The following MBTD1 variants were observed in gnomAD, a reference collection of about 807,000 sequenced individuals.
The protein encoded by MBTD1 is mbt domain containing 1.
Under a neutral mutation model 87.8 loss-of-function variants are expected in MBTD1, and 24 were observed. The ratio of observed to expected loss-of-function variants is 0.27; its 90% CI spans 0.20 to 0.38. The LOEUF (loss-of-function observed/expected upper bound fraction) is 0.38, where lower values mean the gene tolerates loss of function less well. Ranked by LOEUF, MBTD1 falls within the 10% of genes least tolerant of loss-of-function variation. MBTD1 has a pLI of 1.00. For missense variants in MBTD1, 436 were observed against 760.2 expected (o/e 0.57, Z 5.02); for synonymous variants, 237 against 248.6 (o/e 0.95, Z 0.44).
At chr17:51,232,071 C>T (rs1162214563) in intron 2 of MBTD1, among the ~76,000 whole-genome samples, 2 of 151,730 alleles carry the variant, frequency 1.3e-5, no homozygotes, top group Non-Finnish European at 2.9e-5. Context: ...CTCAAAAGAC[C>T]TATGAGGGAG....
chr17:51,227,860 G>A (rs548257385), intron 2 of MBTD1, among the ~76,000 whole-genome samples: 35 of 151,406 alleles, frequency 2.3e-4, no homozygotes, highest in African/African-American at 8.0e-4. Context: ...GCTGAGGCAC[G>A]AGAATCGCTT....
At chr17:51,190,750 A>AATATATATATATATATATAT (rs1555677186) in intron 16 of MBTD1, among the ~76,000 whole-genome samples, 32 of 39,654 alleles carry the variant, frequency 8.1e-4, no homozygotes, top group Non-Finnish European at 9.4e-4. Flanking sequence ...AAAAAAAAAA[A>AATATATATATATATATATAT]ATATATATAT....
At chr17:51,260,629 C>A (rs759319588), upstream of MBTD1, 1 of 1,612,646 alleles carries the variant, frequency 6.2e-7, no homozygotes, top group East Asian at 2.2e-5. Flanking sequence ...ACCGGAGAAC[C>A]GGAGCGAAGC....
At chr17:51,255,817 TG>T (rs1359649461) in intron 2 of MBTD1, among the ~76,000 whole-genome samples, 1 of 152,116 alleles carries the variant, frequency 6.6e-6, no homozygotes, top group Non-Finnish European at 1.5e-5. Context: ...AGGCTGATCT[TG>T]AACTCCTGGG....
chr17:51,208,785 G>T lies in MBTD1; in HGVS notation c.487-1780C>A, dbSNP rs544659770. ...TCCTTTTTGAGCTAAATGTGTCATA[G>T]ACTTTTATTTTTTTAAAGCCTTAAC... On this transcript the variant is annotated intron_variant, in intron 6 of 16. Transcript: ENST00000586178. Among the ~76,000 whole-genome samples the T allele has an allele frequency of 6.6e-5, 10 of 152,304 alleles. No homozygotes were observed. In the South Asian group the frequency reaches 2.1e-3, roughly 32 times the overall value.
intron 2 of MBTD1, among the ~76,000 whole-genome samples, chr17:51,252,053 C>T (rs1598440570): frequency 6.6e-6 from 1 of 152,360 alleles, no homozygotes; most frequent in East Asian, 1.9e-4. Context: ...GCATGAGCCA[C>T]TGCACCCAAC....
At chr17:51,187,702 T>C (rs991487427) in intron 16 of MBTD1, among the ~76,000 whole-genome samples, 4 of 151,736 alleles carry the variant, frequency 2.6e-5, no homozygotes, top group African/African-American at 9.7e-5. Flanking sequence ...ATACAAAAAT[T>C]AGCCGTAAGT....
intron 7 of MBTD1, among the ~76,000 whole-genome samples, chr17:51,204,431 A>G (rs1460227268): frequency 6.7e-6 from 1 of 148,894 alleles, no homozygotes; most frequent in Non-Finnish European, 1.5e-5. Context: ...TATAACATAC[A>G]TATTTATGTA....
chr17:51,200,773 AG>A (rs1175477147), intron 12 of MBTD1, among the ~76,000 whole-genome samples: 3 of 144,540 alleles, frequency 2.1e-5, no homozygotes, highest in African/African-American at 7.4e-5. Flanking sequence ...CCGAGGCAGG[AG>A]GATCACCTGA....
At chr17:51,182,125 A>AT (rs35397252) in intron 16 of MBTD1, among the ~76,000 whole-genome samples, 8,768 of 134,642 alleles carry the variant, frequency 0.065, 344 homozygotes, top group South Asian at 0.12. Context: ...GGCCCTGTGC[A>AT]TTTTTTTTTT....
chr17:51,179,485 TA>T lies in MBTD1; in HGVS notation c.*1090del, dbSNP rs1201511413. ...TCCTGAATACAATTAAAGACAATTT[TA>T]TATATATATATATATATATATATAT... is the stretch of plus-strand genomic sequence containing the variant. On this transcript the variant is annotated 3_prime_UTR_variant, in exon 17 of 17. Transcript: ENST00000586178. 82 of 12,694 alleles carry T rather than the reference TA, an allele frequency of 6.5e-3. 1 individual carries two copies. Among genetic ancestry groups the T allele is most frequent in the East Asian group, 0.013 (5 of 386 alleles). 0.8% of individuals were successfully genotyped at this position (12,694 alleles called of 1,614,324 possible). A position where few individuals can be genotyped will look rare whatever the true frequency, so the allele number is the denominator to read the frequency against.
chr17:51,242,833 C>G (rs2054231763), intron 2 of MBTD1, among the ~76,000 whole-genome samples: 1 of 152,108 alleles, frequency 6.6e-6, no homozygotes, highest in Admixed American at 6.5e-5. Flanking sequence ...ATTTCCTTCA[C>G]AAAAGTCACA....
chr17:51,207,122 T>C, intron 6 of MBTD1, 117 bp from the exon 7 acceptor site: 2 of 543,434 alleles, frequency 3.7e-6, no homozygotes, highest in Non-Finnish European at 6.4e-6. Context: ...GTCATTTTAA[T>C]TCCGTTTGTT....
At chr17:51,200,864 TAA>T (rs555894570) in intron 12 of MBTD1, among the ~76,000 whole-genome samples, 3,504 of 138,212 alleles carry the variant, frequency 0.025, 57 homozygotes, top group Non-Finnish European at 0.034. Flanking sequence ...ACCATGTCTT[TAA>T]AAAAAAAAAA....
intron 12 of MBTD1, among the ~76,000 whole-genome samples, chr17:51,198,452 A>G (rs1219945436): frequency 6.6e-6 from 1 of 152,168 alleles, no homozygotes; most frequent in African/African-American, 2.4e-5. Flanking sequence ...CATGTACACT[A>G]AATTTACTAC....
At chr17:51,236,794 C>T (rs898952315) in intron 2 of MBTD1, among the ~76,000 whole-genome samples, 3 of 152,000 alleles carry the variant, frequency 2.0e-5, no homozygotes, top group African/African-American at 2.4e-5. Flanking sequence ...AGTCTTTGAA[C>T]GAATGGTGCT....
intron 2 of MBTD1, chr17:51,251,138 T>C (rs995565269): frequency 6.6e-6 from 1 of 152,194 alleles, no homozygotes; most frequent in African/African-American, 2.4e-5. Flanking sequence ...CTTTTTTTGA[T>C]GGGGGTAGAT....
chr17:51,201,702 G>A lies in MBTD1; in HGVS notation c.1120-6C>T. 6.7e-7 allele frequency: 1 copy of A among 1,501,636 alleles called. No homozygotes were observed. Among genetic ancestry groups the A allele is most frequent in the South Asian group, 1.1e-5 (1 of 87,280 alleles). The allele number at this position is 1,501,636 out of a possible 1,614,324, so 93.0% of individuals were successfully genotyped here. ...CTCTGGTCTACTTCTTTTACCTAAA[G>A]AATTATATGAAAGCACATCTACTGT... On this transcript the variant is annotated splice_polypyrimidine_tract_variant and splice_region_variant and intron_variant, in intron 11 of 16. Transcript: ENST00000586178.
intron 6 of MBTD1, among the ~76,000 whole-genome samples, chr17:51,214,979 A>C (rs1337971169): frequency 1.3e-5 from 2 of 152,258 alleles, no homozygotes; most frequent in Admixed American, 1.3e-4. Context: ...GACAAAATCA[A>C]GTGCAGCAAT....
Sources: gnomAD v4.1 joint callset for allele counts (sites outside exome capture counted in the v4.1 genomes callset) on GRCh38, gnomAD v4.1.1 for gene constraint, MANE v1.5 for transcripts, NCBI Gene and HGNC (gene_info 2026-07-23, HGNC 2026-07-21) for gene names.